The following SND1 variants were observed in gnomAD, a reference collection of about 807,000 sequenced individuals.
SND1 encodes staphylococcal nuclease and tudor domain containing 1, also known as staphylococcal nuclease domain-containing protein 1.
Under a neutral mutation model 121.7 loss-of-function variants are expected in SND1, and 38 were observed. The ratio of observed to expected loss-of-function variants is 0.31; its 90% CI spans 0.24 to 0.41. The LOEUF (loss-of-function observed/expected upper bound fraction) is 0.41. Ranked by LOEUF, SND1 falls within the 10% of genes least tolerant of loss-of-function variation. The probability of loss-of-function intolerance (pLI) is 1.00; values close to 1 mark genes in which losing one functional copy is unlikely to be tolerated. For synonymous variants in SND1, 401 were observed against 447.4 expected (o/e 0.90, Z 1.31); for missense variants, 868 against 1,184.6 (o/e 0.73, Z 3.92).
At chr7:127,937,422 C>T (rs949031788) in intron 15 of SND1, among the ~76,000 whole-genome samples, 1 of 152,046 alleles carries the variant, frequency 6.6e-6, no homozygotes, top group African/African-American at 2.4e-5. Flanking sequence ...TTCCCTCCCC[C>T]TTCCTCTCTT....
intron 16 of SND1, among the ~76,000 whole-genome samples, chr7:128,000,375 T>TC: frequency 6.6e-6 from 1 of 150,732 alleles, no homozygotes; most frequent in East Asian, 1.9e-4. Context: ...CTTCTTTTTT[T>TC]TTTTTTTTTT....
At chr7:127,654,627 A>G (rs1795180455) in intron 1 of SND1, among the ~76,000 whole-genome samples, 1 of 152,172 alleles carries the variant, frequency 6.6e-6, no homozygotes. Flanking sequence ...AAATGACTTC[A>G]TTTGGTGCTT....
chr7:127,778,935 A>G (rs1043154846), intron 10 of SND1, among the ~76,000 whole-genome samples: 3 of 152,172 alleles, frequency 2.0e-5, no homozygotes, highest in African/African-American at 7.2e-5. Flanking sequence ...CCTTAGGTCT[A>G]AAAGACTTAG....
At chr7:128,041,721 G>T (rs372349420) in intron 16 of SND1, among the ~76,000 whole-genome samples, 50 of 152,304 alleles carry the variant, frequency 3.3e-4, no homozygotes, top group African/African-American at 1.2e-3. Context: ...CTCTGATACA[G>T]CTCTGAATTT....
At chr7:127,799,857 A>G (rs979811312) in intron 10 of SND1, among the ~76,000 whole-genome samples, 4 of 152,198 alleles carry the variant, frequency 2.6e-5, no homozygotes, top group African/African-American at 9.7e-5. Context: ...ATTTGGATCT[A>G]TGAGGCTTCT....
chr7:127,943,392 A>T lies in SND1; in HGVS notation c.1669+14063A>T, dbSNP rs149722202. ...AAATTCTTTTGAAAAAGTGATGGGCAGGAGGACAAGACAAAATTGATAAAG... is the reference window on the plus strand; with the variant it reads ...AAATTCTTTTGAAAAAGTGATGGGCTGGAGGACAAGACAAAATTGATAAAG... On this transcript the variant is annotated intron_variant, in intron 15 of 23. Coordinates refer to ENST00000354725, the MANE Select transcript of SND1 (RefSeq NM_014390.4). Among the ~76,000 whole-genome samples, 374 of 152,342 alleles carry T rather than the reference A, an allele frequency of 2.5e-3. 15 individuals are homozygous for T. The East Asian group carries it at 0.054, about 22-fold the overall frequency.
intron 16 of SND1, among the ~76,000 whole-genome samples, chr7:128,057,915 G>A (rs1744103928): frequency 6.6e-6 from 1 of 152,188 alleles, no homozygotes; most frequent in South Asian, 2.1e-4. Flanking sequence ...GTAGGAGGTG[G>A]TGGAAATGAG....
chr7:127,957,397 G>T (rs1801619960), intron 15 of SND1, among the ~76,000 whole-genome samples: 1 of 152,108 alleles, frequency 6.6e-6, no homozygotes, highest in Non-Finnish European at 1.5e-5. Flanking sequence ...TGTTTCTGAT[G>T]AATTGAAATT....
intron 2 of SND1, 52 bp from the exon 3 acceptor site, chr7:127,694,776 T>C (rs367629397): frequency 1.2e-6 from 2 of 1,602,954 alleles, no homozygotes; most frequent in Non-Finnish European, 1.7e-6. Context: ...GAATGCTGAT[T>C]GGCATCTGAA....
intron 8 of SND1, among the ~76,000 whole-genome samples, chr7:127,705,590 G>A (rs1045776761): frequency 1.4e-5 from 2 of 147,766 alleles, no homozygotes; most frequent in Admixed American, 1.4e-4. Flanking sequence ...TGCAGATGTA[G>A]ATGTAGATGT....
chr7:127,967,997 C>T (rs1461794910), intron 15 of SND1, among the ~76,000 whole-genome samples: 2 of 152,194 alleles, frequency 1.3e-5, no homozygotes, highest in Non-Finnish European at 2.9e-5. Flanking sequence ...AAGGGTTGCT[C>T]TTACCTCCAT....
rs190828558 is a variant in SND1, at chr7:127,730,258, C to T, written c.1152+8858C>T. On this transcript the variant is annotated intron_variant, in intron 10 of 23. Transcript: ENST00000354725. ...CTGGGATTACAGGTGTGAGCCACCGCGCCCAGCCTGACATTGGACAGCTCT... is the reference window on the plus strand; with the variant it reads ...CTGGGATTACAGGTGTGAGCCACCGTGCCCAGCCTGACATTGGACAGCTCT... Among the ~76,000 whole-genome samples the T allele has an allele frequency of 6.0e-4, 91 of 152,298 alleles. 2 individuals carry two copies. Among genetic ancestry groups the T allele is most frequent in the East Asian group, 4.1e-3 (21 of 5,182 alleles).
chr7:127,991,931 A>C (rs1802533434), intron 16 of SND1, among the ~76,000 whole-genome samples: 1 of 152,194 alleles, frequency 6.6e-6, no homozygotes, highest in Admixed American at 6.5e-5. Context: ...GGCGTGAGAG[A>C]ACAAGAGAAC....
intron 18 of SND1, 74 bp downstream of exon 18, chr7:128,081,575 G>C: frequency 6.4e-7 from 1 of 1,568,110 alleles, no homozygotes; most frequent in African/African-American, 1.3e-5. Flanking sequence ...GGGGGCCTCT[G>C]CCCAGTGGGT....
intron 16 of SND1, chr7:128,030,674 G>C: frequency 6.6e-7 from 1 of 1,523,380 alleles, no homozygotes; most frequent in Non-Finnish European, 8.8e-7. Context: ...CATCGCCTGG[G>C]ATTTTGGCTC....
At chr7:127,936,697 C>T (rs1030576392) in intron 15 of SND1, among the ~76,000 whole-genome samples, 3 of 151,962 alleles carry the variant, frequency 2.0e-5, no homozygotes, top group Non-Finnish European at 2.9e-5. Context: ...GTGCATGCCA[C>T]CACACCTGGC....
At chr7:127,937,414 C>G (rs917604013) in intron 15 of SND1, among the ~76,000 whole-genome samples, 3 of 151,758 alleles carry the variant, frequency 2.0e-5, no homozygotes, top group African/African-American at 7.3e-5. Flanking sequence ...ATTTTTCTTT[C>G]CCTCCCCCTT....
chr7:127,907,974 A>G (rs1370162523), intron 14 of SND1, among the ~76,000 whole-genome samples: 1 of 152,178 alleles, frequency 6.6e-6, no homozygotes, highest in Non-Finnish European at 1.5e-5. Context: ...TGTGAGGTTT[A>G]TGGCTTAGAA....
intron 12 of SND1, among the ~76,000 whole-genome samples, chr7:127,853,231 G>T (rs566415770): frequency 3.3e-5 from 5 of 152,298 alleles, no homozygotes; most frequent in South Asian, 4.1e-4. Context: ...GGGTTGACTG[G>T]GATGTGCTTT....
Sources: allele counts gnomAD v4.1 joint callset (sites outside exome capture counted in the v4.1 genomes callset), GRCh38; gene constraint gnomAD v4.1.1; transcripts MANE v1.5; gene names NCBI Gene and HGNC (gene_info 2026-07-23, HGNC 2026-07-21).